Variants in GRM5 observed in about 807,000 individuals in gnomAD.
GRM5 encodes the protein metabotropic glutamate receptor 5.
Under a neutral mutation model 83.1 loss-of-function variants are expected in GRM5, and 19 were observed. The observed-to-expected ratio is 0.23, with a 90% CI of 0.16 to 0.34. The LOEUF (loss-of-function observed/expected upper bound fraction) is 0.34, where lower values mean the gene tolerates loss of function less well. GRM5 is among the 10% of genes least tolerant of loss of function. The pLI, the probability that GRM5 is intolerant of heterozygous loss-of-function variation, is 1.00. For synonymous variants in GRM5, 675 were observed against 633.6 expected, an observed-to-expected ratio of 1.07 and a Z score of -0.98; for missense variants, 1,160 against 1,588.3, an observed-to-expected ratio of 0.73 and a Z score of 4.58.
At position 89,016,318 on chromosome 11, in the gene GRM5, T is replaced by C. The variant is rs934030023; in HGVS notation, c.661+30894A>G. Among the ~76,000 whole-genome samples the C allele has an allele frequency of 5.3e-5, 8 of 150,754 alleles. No individual in the cohort carries two copies. In the Admixed American group the frequency reaches 5.3e-4, roughly 10 times the overall value. The stretch of plus-strand genomic sequence containing the variant: ...ATTTATTATATATACATTATACATA[T>C]ATGTACATGTTATGTGCATGGGAAT... On this transcript the variant is annotated intron_variant, in intron 2 of 9. Transcript: ENST00000305447.
At chr11:88,879,964 T>G (rs1944924954) in intron 2 of GRM5, among the ~76,000 whole-genome samples, 1 of 152,112 alleles carries the variant, frequency 6.6e-6, no homozygotes, top group Admixed American at 6.6e-5. Context: ...GATGCATGTA[T>G]TTAATGAATA....
intron 7 of GRM5, among the ~76,000 whole-genome samples, chr11:88,581,788 G>T (rs1943216729): frequency 6.6e-6 from 1 of 152,142 alleles, no homozygotes; most frequent in African/African-American, 2.4e-5. Context: ...ACCGTGAAAT[G>T]GTGGTGTACT....
intron 3 of GRM5, among the ~76,000 whole-genome samples, chr11:88,685,688 C>T (rs1940604995): frequency 6.6e-6 from 1 of 152,182 alleles, no homozygotes; most frequent in Non-Finnish European, 1.5e-5. Context: ...GTCCTGCATC[C>T]CAGCCACTAC....
chr11:88,803,794 AG>A (rs766473648), intron 3 of GRM5, among the ~76,000 whole-genome samples: 12 of 152,182 alleles, frequency 7.9e-5, no homozygotes, highest in Non-Finnish European at 1.5e-4. Flanking sequence ...CATCTGACAA[AG>A]GGCTAATATC....
chr11:88,711,474 A>C (rs1488916628), intron 3 of GRM5, among the ~76,000 whole-genome samples: 1 of 152,088 alleles, frequency 6.6e-6, no homozygotes, highest in Admixed American at 6.6e-5. Context: ...AATGGCAAAG[A>C]GAAGCTTCTA....
chr11:88,959,419 G>A (rs1938717524), intron 2 of GRM5, among the ~76,000 whole-genome samples: 2 of 151,466 alleles, frequency 1.3e-5, no homozygotes, highest in Non-Finnish European at 2.9e-5. Context: ...TTCAGATGCT[G>A]AACATAAAAT....
At chr11:88,811,814 T>C (rs915890632) in intron 3 of GRM5, among the ~76,000 whole-genome samples, 6 of 152,064 alleles carry the variant, frequency 3.9e-5, no homozygotes, top group African/African-American at 1.4e-4. Flanking sequence ...CCCTTCCAGA[T>C]CCAATGCATA....
intron 3 of GRM5, among the ~76,000 whole-genome samples, chr11:88,794,845 G>A (rs1404271455): frequency 1.3e-5 from 2 of 152,144 alleles, no homozygotes; most frequent in East Asian, 3.9e-4. Flanking sequence ...CCTCCTAGAT[G>A]GGCTACACAT....
At chr11:88,794,854 A>G (rs185919352) in intron 3 of GRM5, among the ~76,000 whole-genome samples, 21 of 152,364 alleles carry the variant, frequency 1.4e-4, no homozygotes, top group Middle Eastern at 3.4e-3. Context: ...TGGGCTACAC[A>G]TAGCATCCAA....
intron 4 of GRM5, among the ~76,000 whole-genome samples, chr11:88,622,012 TC>T (rs1772556060): frequency 6.6e-6 from 1 of 152,188 alleles, no homozygotes; most frequent in Non-Finnish European, 1.5e-5. Context: ...TTTATGAAGC[TC>T]CCTCTTCTGA....
At chr11:88,996,940 T>C (rs1940202643) in intron 2 of GRM5, among the ~76,000 whole-genome samples, 1 of 152,236 alleles carries the variant, frequency 6.6e-6, no homozygotes, top group African/African-American at 2.4e-5. Context: ...TTTTAAATCA[T>C]TGAACTAAGT....
At chr11:88,933,187 A>AGTTTT (rs773606488) in intron 2 of GRM5, among the ~76,000 whole-genome samples, 1 of 106,318 alleles carries the variant, frequency 9.4e-6, no homozygotes, top group African/African-American at 3.6e-5. Context: ...TATTTGGGGC[A>AGTTTT]TTTTTTTTTT....
chr11:88,641,458 C>A (rs187898097), intron 4 of GRM5, among the ~76,000 whole-genome samples: 54 of 152,184 alleles, frequency 3.5e-4, no homozygotes, highest in Non-Finnish European at 3.5e-4. Flanking sequence ...TCTCAACAGT[C>A]CCCCAAAGTC....
intron 2 of GRM5, among the ~76,000 whole-genome samples, chr11:88,946,315 A>G (rs1166495445): frequency 2.0e-5 from 3 of 152,126 alleles, no homozygotes; most frequent in African/African-American, 7.2e-5. Context: ...CACTGTGGAA[A>G]GCAGTTTGGT....
At chr11:88,594,656 A>G (rs1325773873) in intron 6 of GRM5, among the ~76,000 whole-genome samples, 2 of 152,142 alleles carry the variant, frequency 1.3e-5, no homozygotes, top group African/African-American at 4.8e-5. Flanking sequence ...ATCTTCATTT[A>G]CCTTATCTTT....
In GRM5 at chr11:88,508,977, G is replaced by T; in HGVS notation, c.3254C>A (p.Pro1085His). 1 of 1,585,064 alleles carries T rather than the reference G, an allele frequency of 6.3e-7. No homozygotes were observed. The highest frequency in any genetic ancestry group is 2.3e-5 in the East Asian group (1 of 43,732). ...LNSMMLSTAAPSPGVGAPLCS... is the reference protein window; with the variant it reads ...LNSMMLSTAAHSPGVGAPLCS... ...GAGCGGGGCGCCGACGCCGGGGCTG[G>T]GGGCCGCGGTGGACAGCATCATGGA... Residue 1085 changes from proline (P) to histidine (H), a missense_variant, in exon 10 of 10, where the codon CCC becomes CAC. By Grantham distance (77) the Pro-to-His change is moderately conservative. Transcript: ENST00000305447. This position sits in a 1 kb window ranked among gnomAD's most constrained non-coding sequence, Gnocchi z 4.2.
At chr11:88,520,077 C>G (rs1941638724) in intron 9 of GRM5, among the ~76,000 whole-genome samples, 1 of 151,950 alleles carries the variant, frequency 6.6e-6, no homozygotes, top group Admixed American at 6.6e-5. Flanking sequence ...ATTTTATTTC[C>G]CTGATCCTCA....
chr11:89,057,251 T>TTGGAGA (rs1941897443), intron 1 of GRM5, among the ~76,000 whole-genome samples: 1 of 152,152 alleles, frequency 6.6e-6, no homozygotes, highest in Non-Finnish European at 1.5e-5. Context: ...CTGATATATT[T>TTGGAGA]TTCTGAAAAC....
At chr11:88,840,224 C>T (rs1163498344) in intron 3 of GRM5, among the ~76,000 whole-genome samples, 1 of 152,060 alleles carries the variant, frequency 6.6e-6, no homozygotes, top group East Asian at 1.9e-4. Context: ...TAATTTCAGT[C>T]CCTGTATCAT....
Sources: gnomAD v4.1 joint callset for allele counts (sites outside exome capture counted in the v4.1 genomes callset) on GRCh38, gnomAD v4.1.1 for gene constraint, Gnocchi (gnomAD v3.1) non-coding constraint, MANE v1.5 for transcripts, NCBI Gene and HGNC (gene_info 2026-07-23, HGNC 2026-07-21) for gene names.